Variants in PLA2G4A observed in about 807,000 individuals in gnomAD.
The protein encoded by PLA2G4A is phospholipase A2 group IVA, also known as cytosolic phospholipase A2.
In PLA2G4A, 40 loss-of-function variants were observed where a neutral mutation model predicts 81.9. The ratio of observed to expected loss-of-function variants is 0.49; its 90% CI spans 0.38 to 0.64. PLA2G4A has a LOEUF of 0.64. Among genes scored for constraint, PLA2G4A ranks in the 30% least tolerant of loss-of-function variants. The probability of loss-of-function intolerance (pLI) is 0.00; values close to 1 mark genes in which losing one functional copy is unlikely to be tolerated. For missense variants in PLA2G4A, 715 were observed against 905.1 expected (o/e 0.79, Z 2.69); for synonymous variants, 302 against 296.9 (o/e 1.02, Z -0.18).
intron 2 of PLA2G4A, among the ~76,000 whole-genome samples, chr1:186,866,247 C>T (rs925641363): frequency 1.3e-5 from 2 of 152,022 alleles, no homozygotes; most frequent in Non-Finnish European, 2.9e-5. Context: ...TCTCAAAAGA[C>T]TATTTGGATA....
Position 186,961,353 on chromosome 1 carries a change from AAAG to A in PLA2G4A, c.1580-4052_1580-4050del, listed in dbSNP as rs549257707. On this transcript the variant is annotated intron_variant, in intron 14 of 17. Transcript: ENST00000367466. ...GAGAGGATTTAGATGTTCTTACCAC[AAAG>A]AAGTGATAAATATTTGATGTTATGA... Among the ~76,000 whole-genome samples, 61 of 152,308 alleles carry A rather than the reference AAAG, an allele frequency of 4.0e-4. No individual in the cohort carries two copies. The East Asian group carries it at 0.012, about 29-fold the overall frequency.
At chr1:186,950,634 A>T in intron 12 of PLA2G4A, 23 bp from the exon 13 acceptor site, 3 of 1,403,828 alleles carry the variant, frequency 2.1e-6, no homozygotes, top group Non-Finnish European at 3.0e-6. Context: ...AAATGCTTCA[A>T]TTTTTTTGTT....
intron 5 of PLA2G4A, among the ~76,000 whole-genome samples, chr1:186,901,580 C>T (rs558259310): frequency 2.2e-4 from 33 of 152,184 alleles, no homozygotes; most frequent in Admixed American, 5.2e-4. Context: ...AAAAGTTAGA[C>T]AGTCTGAGAA....
chr1:186,949,789 A>G (rs999215693), intron 12 of PLA2G4A, among the ~76,000 whole-genome samples: 4 of 152,142 alleles, frequency 2.6e-5, no homozygotes, highest in Admixed American at 1.3e-4. Flanking sequence ...TGGGAGGCCA[A>G]GGAAGGATGA....
chr1:186,962,669 C>T (rs940209860), intron 14 of PLA2G4A, among the ~76,000 whole-genome samples: 2 of 152,006 alleles, frequency 1.3e-5, no homozygotes, highest in African/African-American at 2.4e-5. Context: ...TACAGGCGCC[C>T]GCCACCGCGC....
At chr1:186,832,958 C>G (rs1049994810) in intron 1 of PLA2G4A, among the ~76,000 whole-genome samples, 3 of 151,994 alleles carry the variant, frequency 2.0e-5, no homozygotes, top group East Asian at 1.9e-4. Flanking sequence ...AAAATGAGAG[C>G]AAATTATTTT....
intron 3 of PLA2G4A, among the ~76,000 whole-genome samples, chr1:186,887,743 A>G (rs951322880): frequency 5.3e-5 from 8 of 152,270 alleles, no homozygotes; most frequent in Non-Finnish European, 8.8e-5. Context: ...TTTTTCTTTA[A>G]TTCATTCCTT....
intron 3 of PLA2G4A, among the ~76,000 whole-genome samples, chr1:186,886,201 G>A (rs1042967872): frequency 7.9e-5 from 12 of 152,096 alleles, no homozygotes; most frequent in South Asian, 6.2e-4. Flanking sequence ...AGACAGTTTG[G>A]TATAGGCGTG....
At chr1:186,852,305 C>G (rs1173858903) in intron 1 of PLA2G4A, among the ~76,000 whole-genome samples, 3 of 151,926 alleles carry the variant, frequency 2.0e-5, no homozygotes, top group Non-Finnish European at 4.4e-5. Context: ...TTAAATAATA[C>G]AGTCAGGGAA....
intron 3 of PLA2G4A, among the ~76,000 whole-genome samples, chr1:186,879,674 T>A (rs1653652598): frequency 6.6e-6 from 1 of 151,938 alleles, no homozygotes; most frequent in Non-Finnish European, 1.5e-5. Context: ...TATGGCATAG[T>A]ATGCACAATA....
intron 1 of PLA2G4A, among the ~76,000 whole-genome samples, chr1:186,845,407 T>G (rs1186779647): frequency 6.6e-6 from 1 of 152,108 alleles, no homozygotes; most frequent in Non-Finnish European, 1.5e-5. Context: ...TCCCACTGTC[T>G]CTGTGAGGAT....
intron 6 of PLA2G4A, among the ~76,000 whole-genome samples, chr1:186,908,224 T>C (rs1326314567): frequency 2.2e-4 from 33 of 152,058 alleles, no homozygotes; most frequent in Admixed American, 2.2e-3. Context: ...ATAATTCTAC[T>C]ACTGAATTTA....
chr1:186,867,496 C>T (rs964021561), intron 2 of PLA2G4A, among the ~76,000 whole-genome samples: 8 of 50,308 alleles, frequency 1.6e-4, no homozygotes, highest in Non-Finnish European at 2.3e-4. Flanking sequence ...TCAAAGTCTA[C>T]GTGTTCATTT....
chr1:186,958,918 A>G (rs970638548), intron 14 of PLA2G4A, among the ~76,000 whole-genome samples: 1 of 152,192 alleles, frequency 6.6e-6, no homozygotes, highest in Admixed American at 6.5e-5. Context: ...TGGATAATTT[A>G]TATATCATTC....
chr1:186,920,920 A>T (rs983086579), intron 7 of PLA2G4A, among the ~76,000 whole-genome samples: 1 of 152,162 alleles, frequency 6.6e-6, no homozygotes. Flanking sequence ...TTTTCTCCTG[A>T]TATCTTCCGC....
chr1:186,854,902 A>T (rs1652496477), intron 2 of PLA2G4A, among the ~76,000 whole-genome samples: 1 of 151,928 alleles, frequency 6.6e-6, no homozygotes, highest in Admixed American at 6.6e-5. Flanking sequence ...CTCCAGTGGA[A>T]GTATACATGC....
intron 10 of PLA2G4A, among the ~76,000 whole-genome samples, chr1:186,942,951 A>C (rs1024739125): frequency 6.6e-6 from 1 of 152,172 alleles, no homozygotes; most frequent in African/African-American, 2.4e-5. Context: ...TCTTGTACCC[A>C]GATAAGACAT....
chr1:186,868,357 C>T (rs963527889), intron 2 of PLA2G4A, among the ~76,000 whole-genome samples: 1 of 152,122 alleles, frequency 6.6e-6, no homozygotes. Context: ...GGATTACAGG[C>T]GTGAGCCATT....
At chr1:186,875,718 A>G (rs563884526) in intron 3 of PLA2G4A, among the ~76,000 whole-genome samples, 46 of 152,066 alleles carry the variant, frequency 3.0e-4, no homozygotes, top group Non-Finnish European at 5.9e-4. Context: ...TCCATCTAAG[A>G]ACCCAGGCAG....
Sources: gnomAD v4.1 joint callset for allele counts (sites outside exome capture counted in the v4.1 genomes callset) on GRCh38, gnomAD v4.1.1 for gene constraint, MANE v1.5 for transcripts, NCBI Gene and HGNC (gene_info 2026-07-23, HGNC 2026-07-21) for gene names.